GCNT2: variants seen among roughly 807,000 people sequenced by gnomAD.
GCNT2 encodes glucosaminyl (N-acetyl) transferase 2 (I blood group), also known as N-acetyllactosaminide beta-1,6-N-acetylglucosaminyl-transferase.
In GCNT2, 34 loss-of-function variants were observed where a neutral mutation model predicts 34.2. The ratio of observed to expected loss-of-function variants is 1.00; its 90% CI spans 0.76 to 1.32. The LOEUF is 1.32. GCNT2 is among the 40% of genes most tolerant of loss of function. The probability of loss-of-function intolerance (pLI) is 0.00; values close to 1 mark genes in which losing one functional copy is unlikely to be tolerated. For missense variants in GCNT2, 584 were observed against 489.4 expected (o/e 1.19, Z -1.82); for synonymous variants, 212 against 188.0 (o/e 1.13, Z -1.04).
intron 3 of GCNT2, among the ~76,000 whole-genome samples, chr6:10,549,202 T>G (rs987290524): frequency 6.6e-6 from 1 of 152,174 alleles, no homozygotes; most frequent in Non-Finnish European, 1.5e-5. Context: ...CAACACGGCA[T>G]TTTTCAGCCC....
intron 3 of GCNT2, among the ~76,000 whole-genome samples, chr6:10,538,437 A>AATATATATATATATATATATAT (rs1554127248): frequency 1.5e-4 from 11 of 73,330 alleles, no homozygotes; most frequent in African/African-American, 1.3e-3. Context: ...AAAAAAAAAA[A>AATATATATATATATATATATAT]ATATATATAT....
chr6:10,541,211 A>C (rs1762023272), intron 3 of GCNT2, among the ~76,000 whole-genome samples: 1 of 152,032 alleles, frequency 6.6e-6, no homozygotes, highest in African/African-American at 2.4e-5. Flanking sequence ...GTTCCCTTGC[A>C]TGTGTCCATA....
At chr6:10,582,521 T>TAATATATCATATATAA (rs1389501677) in intron 3 of GCNT2, among the ~76,000 whole-genome samples, 9,663 of 120,034 alleles carry the variant, frequency 0.081, 567 homozygotes, top group Non-Finnish European at 0.12. Flanking sequence ...ATATATTATA[T>TAATATATCATATATAA]TATACATCAT....
At chr6:10,528,038 G>A (rs921727340) in intron 2 of GCNT2, among the ~76,000 whole-genome samples, 3 of 152,094 alleles carry the variant, frequency 2.0e-5, no homozygotes, top group African/African-American at 7.2e-5. Context: ...CACTATGTTA[G>A]CCTGTATGCA....
chr6:10,568,881 A>T (rs528262045), intron 3 of GCNT2, among the ~76,000 whole-genome samples: 1 of 152,078 alleles, frequency 6.6e-6, no homozygotes, highest in Non-Finnish European at 1.5e-5. Context: ...ATGTCATTCA[A>T]TGGTAACACA....
At position 10,626,439 on chromosome 6, in the gene GCNT2, TA is replaced by T; in HGVS notation, c.1042del (p.Ile348SerfsTer7). 6.2e-7 allele frequency: 1 copy of T among 1,613,328 alleles called. No individual in the cohort carries two copies. Among genetic ancestry groups the T allele is most frequent in the Non-Finnish European group, 8.5e-7 (1 of 1,179,202 alleles). ...CHGHYVHGIC[I>X]YGNGDLKWLV... ...CAGGCCACTATGTACATGGTATTTG[TA>T]TCTATGGAAACGGAGACTTAAAGTG... On this transcript the variant is annotated frameshift_variant, in exon 5 of 5. Transcript: ENST00000495262. LOFTEE classifies it high-confidence loss of function.
intron 3 of GCNT2, among the ~76,000 whole-genome samples, chr6:10,581,211 G>A (rs1764055213): frequency 6.6e-6 from 1 of 152,166 alleles, no homozygotes; most frequent in South Asian, 2.1e-4. Context: ...CTGTAAATAA[G>A]TCAGGACAAA....
At chr6:10,613,378 CT>C (rs138349328) in intron 3 of GCNT2, among the ~76,000 whole-genome samples, 9 of 149,120 alleles carry the variant, frequency 6.0e-5, no homozygotes, top group South Asian at 2.1e-4. Context: ...ATAATATTGA[CT>C]TTTTTTTTTG....
intron 3 of GCNT2, among the ~76,000 whole-genome samples, chr6:10,620,627 T>A (rs1039544448): frequency 1.3e-5 from 2 of 152,238 alleles, no homozygotes; most frequent in South Asian, 4.1e-4. Context: ...GGGATCTTCT[T>A]ACCTCGGCCT....
chr6:10,552,780 T>G (rs1216902544), intron 3 of GCNT2, among the ~76,000 whole-genome samples: 1 of 152,196 alleles, frequency 6.6e-6, no homozygotes, highest in Non-Finnish European at 1.5e-5. Context: ...TTTTCATGTA[T>G]TACTCTTAGG....
At chr6:10,558,196 C>T (rs532840841) in intron 3 of GCNT2, among the ~76,000 whole-genome samples, 28 of 152,174 alleles carry the variant, frequency 1.8e-4, no homozygotes, top group Non-Finnish European at 3.7e-4. Flanking sequence ...TGCATTTGTT[C>T]CATGAAGCCA....
intron 3 of GCNT2, among the ~76,000 whole-genome samples, chr6:10,546,721 G>C (rs992241094): frequency 6.6e-6 from 1 of 152,076 alleles, no homozygotes; most frequent in Middle Eastern, 3.2e-3. Context: ...ATCTCAGTGA[G>C]TTTTCAACCT....
intron 3 of GCNT2, among the ~76,000 whole-genome samples, chr6:10,541,927 G>C (rs1762052373): frequency 1.3e-5 from 2 of 152,166 alleles, no homozygotes; most frequent in South Asian, 4.1e-4. Flanking sequence ...GTTAGGGTTT[G>C]CGGTTTAATC....
chr6:10,535,671 G>A (rs928082167), intron 3 of GCNT2, among the ~76,000 whole-genome samples: 9 of 152,208 alleles, frequency 5.9e-5, no homozygotes, highest in African/African-American at 2.2e-4. Context: ...CTACAAAGGA[G>A]TATTTTGAAT....
At position 10,529,675 on chromosome 6, in the gene GCNT2, C is replaced by T. The variant is rs751381070; in HGVS notation, c.764C>T (p.Pro255Leu). 3 of 1,614,090 alleles carry T rather than the reference C, an allele frequency of 1.9e-6. No homozygotes were observed. In the East Asian group the frequency reaches 6.7e-5, roughly 36 times the overall value. Reference protein sequence around the residue: ...IKTTKLKTPPPHDMVIYFGTA... With the variant: ...IKTTKLKTPPLHDMVIYFGTA... ...ACAACAAAATTAAAAACTCCTCCTC[C>T]TCATGACATGGTGATTTACTTTGGC... Residue 255 changes from proline to leucine, a missense_variant, in exon 3 of 5, where the codon CCT becomes CTT. By Grantham distance (98) the Pro-to-Leu change is moderately conservative. Transcript: ENST00000495262.
intron 3 of GCNT2, among the ~76,000 whole-genome samples, chr6:10,607,129 G>A (rs1379637788): frequency 6.6e-6 from 1 of 151,930 alleles, no homozygotes; most frequent in African/African-American, 2.4e-5. Flanking sequence ...TGTATTTTTA[G>A]TAGAGACGGG....
chr6:10,539,322 T>C (rs1167141936), intron 3 of GCNT2, among the ~76,000 whole-genome samples: 1 of 151,180 alleles, frequency 6.6e-6, no homozygotes, highest in African/African-American at 2.4e-5. Context: ...CCCGAGTTGC[T>C]GGGATTACAG....
chr6:10,588,609 T>C (rs1189425482), intron 3 of GCNT2, among the ~76,000 whole-genome samples: 1 of 152,072 alleles, frequency 6.6e-6, no homozygotes, highest in Non-Finnish European at 1.5e-5. Flanking sequence ...TCCTGCAGAA[T>C]CCCGAAAAAG....
chr6:10,530,550 C>G (rs1412179732), intron 3 of GCNT2, among the ~76,000 whole-genome samples: 2 of 151,948 alleles, frequency 1.3e-5, no homozygotes, highest in Non-Finnish European at 2.9e-5. Flanking sequence ...TTTTTATTTG[C>G]AAGCTCTTTT....
Sources: allele counts gnomAD v4.1 joint callset (sites outside exome capture counted in the v4.1 genomes callset), GRCh38; gene constraint gnomAD v4.1.1; transcripts MANE v1.5; gene names NCBI Gene and HGNC (gene_info 2026-07-23, HGNC 2026-07-21).